ASB7: variants seen among roughly 807,000 people sequenced by gnomAD.
ASB7 encodes ankyrin repeat and SOCS box containing 7.
In ASB7, 4 loss-of-function variants were observed where a neutral mutation model predicts 32.5. That is an observed-to-expected ratio of 0.12 (90% CI 0.06 to 0.28). The LOEUF (loss-of-function observed/expected upper bound fraction) is 0.28. Among genes scored for constraint, ASB7 ranks in the 10% least tolerant of loss-of-function variants. The pLI, the probability that ASB7 is intolerant of heterozygous loss-of-function variation, is 1.00. For synonymous variants in ASB7, 172 were observed against 155.6 expected, an observed-to-expected ratio of 1.11 and a Z score of -0.78; for missense variants, 181 against 407.1, an observed-to-expected ratio of 0.44 and a Z score of 4.78.
chr15:100,645,787 A>G, intron 5 of ASB7: 7 of 1,561,318 alleles, frequency 4.5e-6, no homozygotes, highest in Non-Finnish European at 5.3e-6. Context: ...TAAACACTTT[A>G]TTTCCTGTAA....
At chr15:100,618,237 C>G (rs2039760811) in intron 4 of ASB7, among the ~76,000 whole-genome samples, 1 of 152,142 alleles carries the variant, frequency 6.6e-6, no homozygotes, top group African/African-American at 2.4e-5. Context: ...CTGTCTTAGC[C>G]TTCCGAGTAG....
intron 5 of ASB7, among the ~76,000 whole-genome samples, chr15:100,644,497 G>A (rs868676897): frequency 2.1e-4 from 32 of 152,272 alleles, no homozygotes; most frequent in South Asian, 1.0e-3. Context: ...TTTGCAGCAC[G>A]TTGACTGTTT....
intron 2 of ASB7, among the ~76,000 whole-genome samples, chr15:100,607,839 T>A (rs925951270): frequency 1.3e-5 from 2 of 152,226 alleles, no homozygotes; most frequent in African/African-American, 4.8e-5. Flanking sequence ...TGAATCTTTC[T>A]TGTTGGGAGA....
At chr15:100,624,474 T>C (rs1325987222) in intron 4 of ASB7, among the ~76,000 whole-genome samples, 1 of 152,202 alleles carries the variant, frequency 6.6e-6, no homozygotes, top group Non-Finnish European at 1.5e-5. Flanking sequence ...GTGGAAGGGA[T>C]ATGTCACTAC....
In ASB7 at chr15:100,650,108, A is replaced by G. The variant is rs2040021280; in HGVS notation, c.*1646A>G. On this transcript the variant is annotated 3_prime_UTR_variant, in exon 6 of 6. Transcript: ENST00000332783. ...GGTTTCCGAAGACGGGCAGCTTCAG[A>G]GAAGAGGATTATTCGGGAGATTGCT... The G allele has an allele frequency of 6.6e-6, 1 of 152,236 alleles. No individual in the cohort carries two copies. The highest frequency in any genetic ancestry group is 2.4e-5 in the African/African-American group (1 of 41,452). The allele number at this position is 152,236 out of a possible 1,614,324, so 9.4% of individuals were successfully genotyped here. A position where few individuals can be genotyped will look rare whatever the true frequency, so the allele number is the denominator to read the frequency against.
chr15:100,624,397 T>G (rs1191615097), intron 4 of ASB7, among the ~76,000 whole-genome samples: 1 of 152,212 alleles, frequency 6.6e-6, no homozygotes, highest in Non-Finnish European at 1.5e-5. Flanking sequence ...TCTGTGCATG[T>G]AATAGATACT....
At chr15:100,636,132 C>G (rs1200079521) in intron 5 of ASB7, among the ~76,000 whole-genome samples, 1 of 152,182 alleles carries the variant, frequency 6.6e-6, no homozygotes, top group Non-Finnish European at 1.5e-5. Flanking sequence ...TTCAGTTTTC[C>G]TACCAGTTTA....
intron 4 of ASB7, among the ~76,000 whole-genome samples, chr15:100,618,266 G>A (rs2039761052): frequency 6.6e-6 from 1 of 151,912 alleles, no homozygotes; most frequent in Non-Finnish European, 1.5e-5. Flanking sequence ...ACAGGTGTGT[G>A]CCACCACACC....
At chr15:100,645,595 T>A (rs920677215) in intron 5 of ASB7, 4 of 737,866 alleles carry the variant, frequency 5.4e-6, no homozygotes, top group Non-Finnish European at 1.0e-5. Flanking sequence ...TATATAAGGA[T>A]CCTGAAATCT....
intron 5 of ASB7, among the ~76,000 whole-genome samples, chr15:100,637,722 A>G (rs1347440022): frequency 3.3e-5 from 5 of 152,244 alleles, no homozygotes; most frequent in Non-Finnish European, 7.3e-5. Context: ...AGAAGATCCA[A>G]AGTTACTTGA....
intron 5 of ASB7, 96 bp from the exon 6 acceptor site, chr15:100,648,227 G>T: frequency 7.6e-7 from 1 of 1,318,034 alleles, no homozygotes. Context: ...CAAGTCCATA[G>T]AGAGAACTTC....
chr15:100,639,251 C>T (rs1461507247), intron 5 of ASB7, among the ~76,000 whole-genome samples: 1 of 152,176 alleles, frequency 6.6e-6, no homozygotes, highest in Admixed American at 6.5e-5. Context: ...AAACTAGGTG[C>T]TTTCTGGAAC....
intron 5 of ASB7, among the ~76,000 whole-genome samples, chr15:100,642,814 A>G (rs1215000799): frequency 6.6e-6 from 1 of 152,240 alleles, no homozygotes; most frequent in Non-Finnish European, 1.5e-5. Flanking sequence ...AGGCAGGCAG[A>G]TCACCTGATG....
At chr15:100,609,062 C>T (rs1013720141) in intron 2 of ASB7, among the ~76,000 whole-genome samples, 5 of 152,152 alleles carry the variant, frequency 3.3e-5, no homozygotes, top group Admixed American at 1.3e-4. Context: ...TTAATTGACA[C>T]GAAGAAAGAT....
chr15:100,634,571 A>G (rs2039908277), intron 5 of ASB7, among the ~76,000 whole-genome samples: 1 of 152,206 alleles, frequency 6.6e-6, no homozygotes, highest in South Asian at 2.1e-4. Flanking sequence ...TGGGAGGCCA[A>G]AGCAGGTGGA....
At chr15:100,642,216 T>A (rs752937129) in intron 5 of ASB7, among the ~76,000 whole-genome samples, 2 of 152,124 alleles carry the variant, frequency 1.3e-5, no homozygotes, top group Admixed American at 6.5e-5. Context: ...TATGCAGAGA[T>A]AAATAACTTG....
intron 2 of ASB7, among the ~76,000 whole-genome samples, chr15:100,606,881 G>A (rs953683375): frequency 1.3e-5 from 2 of 151,990 alleles, no homozygotes; most frequent in Non-Finnish European, 2.9e-5. Context: ...CTGGCCGGGC[G>A]CGGTGGCTCA....
chr15:100,646,299 A>T (rs1669389342), intron 5 of ASB7: 1 of 392,316 alleles, frequency 2.5e-6, no homozygotes, highest in South Asian at 2.3e-5. Flanking sequence ...GAGAAGTCTC[A>T]TCATAAGAAC....
At chr15:100,610,163 G>A (rs1489179593) in intron 3 of ASB7, among the ~76,000 whole-genome samples, 2 of 152,192 alleles carry the variant, frequency 1.3e-5, no homozygotes, top group East Asian at 3.8e-4. Context: ...TTTCTAAGAA[G>A]GGACAATTTT....
Sources: gnomAD v4.1 joint callset for allele counts (sites outside exome capture counted in the v4.1 genomes callset) on GRCh38, gnomAD v4.1.1 for gene constraint, MANE v1.5 for transcripts, NCBI Gene and HGNC (gene_info 2026-07-23, HGNC 2026-07-21) for gene names.